Variants in DRG1 observed in about 807,000 individuals in gnomAD.
The protein encoded by DRG1 is developmentally regulated GTP binding protein 1, also known as developmentally-regulated GTP-binding protein 1.
DRG1 carries 19 observed loss-of-function variants against 38.8 expected under a neutral mutation model. The ratio of observed to expected loss-of-function variants is 0.49; its 90% CI spans 0.34 to 0.72. The LOEUF (loss-of-function observed/expected upper bound fraction) is 0.72. Ranked by LOEUF, DRG1 falls within the 30% of genes least tolerant of loss-of-function variation. The probability of loss-of-function intolerance (pLI) is 0.01; values close to 1 mark genes in which losing one functional copy is unlikely to be tolerated. For synonymous variants in DRG1, 167 were observed against 157.5 expected (o/e 1.06, Z -0.45); for missense variants, 299 against 444.8 (o/e 0.67, Z 2.95).
chr22:31,429,183 A>G (rs985683686), intron 8 of DRG1, among the ~76,000 whole-genome samples: 4 of 152,134 alleles, frequency 2.6e-5, no homozygotes, highest in African/African-American at 4.8e-5. Flanking sequence ...TAGTGGCACG[A>G]TATCAGCTCA....
At chr22:31,404,377 A>G (rs776924212) in intron 3 of DRG1, among the ~76,000 whole-genome samples, 5 of 150,370 alleles carry the variant, frequency 3.3e-5, no homozygotes, top group Non-Finnish European at 7.4e-5. Flanking sequence ...GTAAGCTGGG[A>G]CTACAGGCAC....
chr22:31,412,847 G>A (rs377654865), intron 4 of DRG1, among the ~76,000 whole-genome samples: 2 of 151,668 alleles, frequency 1.3e-5, no homozygotes, highest in African/African-American at 4.8e-5. Context: ...CACCATACCC[G>A]GCTAATTTTT....
chr22:31,424,758 A>G (rs1202033152), intron 6 of DRG1, among the ~76,000 whole-genome samples: 4 of 141,214 alleles, frequency 2.8e-5, no homozygotes, highest in Non-Finnish European at 6.1e-5. Context: ...CAGCCTCCCA[A>G]AGTGCTGGGA....
intron 3 of DRG1, among the ~76,000 whole-genome samples, chr22:31,409,858 G>A (rs1240778999): frequency 2.6e-5 from 4 of 152,010 alleles, no homozygotes; most frequent in Admixed American, 2.0e-4. Context: ...GTCAGATATG[G>A]TGGCATATGC....
rs1301330495 is a variant in DRG1, at chr22:31,410,997, T to A, written c.343-15T>A. ...TTTTTTCTTTCATCCTCTTCCCCCA[T>A]TCTTAATCTTGCAGCTCCTGGATCT... is the stretch of plus-strand genomic sequence containing the variant. On this transcript the variant is annotated splice_polypyrimidine_tract_variant and intron_variant, in intron 3 of 8. Transcript: ENST00000331457. The A allele has an allele frequency of 6.8e-6, 11 of 1,613,320 alleles. No individual in the cohort carries two copies. Among genetic ancestry groups the A allele is most frequent in the Non-Finnish European group, 8.5e-6 (10 of 1,179,592 alleles).
chr22:31,431,759 A>G lies in DRG1; in HGVS notation c.1005-2113A>G, dbSNP rs182236768. Among the ~76,000 whole-genome samples the G allele has an allele frequency of 2.5e-3, 383 of 152,340 alleles. 2 individuals are homozygous for G. The highest frequency in any genetic ancestry group is 8.6e-3 in the African/African-American group (356 of 41,572). On this transcript the variant is annotated intron_variant, in intron 8 of 8. Transcript: ENST00000331457. ...TTTATTGACCTTCAGATCCTTACAT[A>G]TAAAACAACTATATTCCACATGTAA...
chr22:31,418,417 G>C lies in DRG1; in HGVS notation c.413-1839G>C, dbSNP rs140520342. Among the ~76,000 whole-genome samples, 216 of 151,780 alleles carry C rather than the reference G, an allele frequency of 1.4e-3. 1 individual carries two copies. Among genetic ancestry groups the C allele is most frequent in the African/African-American group, 5.0e-3 (209 of 41,402 alleles). ...AGGTTATAATGAGCTATGATCATGC[G>C]ACTGCACTCCAGCCTGAGTGACAAA... On this transcript the variant is annotated intron_variant, in intron 4 of 8. Coordinates refer to ENST00000331457, the MANE Select transcript of DRG1 (RefSeq NM_004147.4).
chr22:31,410,770 G>T (rs1311789456), intron 3 of DRG1, among the ~76,000 whole-genome samples: 2 of 151,762 alleles, frequency 1.3e-5, no homozygotes, highest in African/African-American at 2.4e-5. Flanking sequence ...AGCTGAGATT[G>T]TGCCGTTGTA....
chr22:31,424,152 C>T (rs1259010248), intron 6 of DRG1, among the ~76,000 whole-genome samples: 3 of 148,806 alleles, frequency 2.0e-5, no homozygotes, highest in Non-Finnish European at 4.5e-5. Context: ...GGTGTGAGCC[C>T]GGCCTTTTTT....
chr22:31,432,110 G>A (rs1177022171), intron 8 of DRG1, among the ~76,000 whole-genome samples: 1 of 147,234 alleles, frequency 6.8e-6, no homozygotes, highest in East Asian at 2.0e-4. Context: ...GTCTTGTTCT[G>A]TTGCCGCCCA....
At chr22:31,423,974 C>G (rs964036192) in intron 6 of DRG1, among the ~76,000 whole-genome samples, 1 of 151,318 alleles carries the variant, frequency 6.6e-6, no homozygotes, top group Non-Finnish European at 1.5e-5. Flanking sequence ...AGCGATTCTC[C>G]TCCCTCAGCC....
intron 3 of DRG1, among the ~76,000 whole-genome samples, chr22:31,405,598 T>C (rs1170601801): frequency 2.0e-5 from 3 of 151,994 alleles, no homozygotes; most frequent in Non-Finnish European, 2.9e-5. Context: ...TTTTGAACAG[T>C]TTTAGATTAT....
chr22:31,409,134 G>A (rs1338752145), intron 3 of DRG1, among the ~76,000 whole-genome samples: 2 of 151,584 alleles, frequency 1.3e-5, no homozygotes, highest in South Asian at 2.1e-4. Flanking sequence ...TTACTCTGTC[G>A]CCCAGGCTGG....
intron 2 of DRG1, among the ~76,000 whole-genome samples, chr22:31,402,350 A>G (rs1215541775): frequency 1.3e-5 from 2 of 152,150 alleles, no homozygotes; most frequent in Non-Finnish European, 2.9e-5. Context: ...TTGAAAGACA[A>G]AAAAACAAAA....
intron 5 of DRG1, among the ~76,000 whole-genome samples, chr22:31,420,801 T>C (rs1171705950): frequency 6.6e-6 from 1 of 152,206 alleles, no homozygotes; most frequent in African/African-American, 2.4e-5. Flanking sequence ...GAAGAGGGAA[T>C]AGTGAAACCC....
At chr22:31,426,848 T>C in intron 7 of DRG1, 66 bp downstream of exon 7, 1 of 1,554,392 alleles carries the variant, frequency 6.4e-7, no homozygotes, top group Non-Finnish European at 8.7e-7. Context: ...AATGATACTT[T>C]CTGGAGCTCA....
intron 4 of DRG1, among the ~76,000 whole-genome samples, chr22:31,416,934 A>G (rs1601529978): frequency 1.3e-5 from 2 of 148,830 alleles, no homozygotes; most frequent in Admixed American, 6.7e-5. Context: ...ATGTGGTGGT[A>G]TGCTTCTGTA....
At chr22:31,402,929 G>T in intron 2 of DRG1, 100 bp from the exon 3 acceptor site, 1 of 1,295,618 alleles carries the variant, frequency 7.7e-7, no homozygotes, top group South Asian at 1.5e-5. Context: ...TTGAGAAATA[G>T]TGCCTAGAGG....
At chr22:31,420,659 T>C (rs550638771) in intron 5 of DRG1, among the ~76,000 whole-genome samples, 13 of 152,342 alleles carry the variant, frequency 8.5e-5, no homozygotes, top group African/African-American at 2.6e-4. Flanking sequence ...GGGAATGATA[T>C]GGGCGTGTGG....
Sources: gnomAD v4.1 joint callset for allele counts (sites outside exome capture counted in the v4.1 genomes callset) on GRCh38, gnomAD v4.1.1 for gene constraint, MANE v1.5 for transcripts, NCBI Gene and HGNC (gene_info 2026-07-23, HGNC 2026-07-21) for gene names.